Variants in KIAA1328 observed in about 807,000 individuals in gnomAD.
KIAA1328 encodes the protein protein hinderin.
Under a neutral mutation model 68.1 loss-of-function variants are expected in KIAA1328, and 52 were observed. The observed-to-expected ratio is 0.76, with a 90% CI of 0.61 to 0.96. KIAA1328 has a LOEUF of 0.96. KIAA1328 is among the 40% of genes least tolerant of loss of function. The pLI is 0.00. For missense variants in KIAA1328, 641 were observed against 677.6 expected, an observed-to-expected ratio of 0.95 and a Z score of 0.60; for synonymous variants, 232 against 239.4, an observed-to-expected ratio of 0.97 and a Z score of 0.28.
chr18:36,926,752 G>T (rs1041133966), intron 5 of KIAA1328, among the ~76,000 whole-genome samples: 3 of 152,084 alleles, frequency 2.0e-5, no homozygotes, highest in Non-Finnish European at 4.4e-5. Context: ...TGCAATACAG[G>T]GTGGGTGTGT....
intron 7 of KIAA1328, among the ~76,000 whole-genome samples, chr18:37,092,549 C>G (rs911367409): frequency 5.3e-5 from 8 of 152,018 alleles, no homozygotes; most frequent in Non-Finnish European, 8.8e-5. Flanking sequence ...GGATAGGGCT[C>G]TCTTTGCCTA....
chr18:37,134,484 A>T (rs548295871), intron 7 of KIAA1328, among the ~76,000 whole-genome samples: 4 of 152,198 alleles, frequency 2.6e-5, no homozygotes, highest in Non-Finnish European at 5.9e-5. Flanking sequence ...TACAAAAAAA[A>T]CTTAGAAAAA....
rs1054084737 is a variant in KIAA1328, at chr18:36,870,098, G to A, written c.333-15459G>A. 3.3e-5 allele frequency among the ~76,000 whole-genome samples: 5 copies of A among 151,996 alleles called. No individual in the cohort carries two copies. In the East Asian group the frequency reaches 7.7e-4, roughly 24 times the overall value. On this transcript the variant is annotated intron_variant, in intron 4 of 9. Coordinates refer to ENST00000280020, the MANE Select transcript of KIAA1328 (RefSeq NM_020776.3). Reference sequence around the variant, plus strand: ...AGGATGGTCTCGATCTCTTTACCTCGTGATCTGCCTGCCTCGGCCTCCCAA... The same window carrying A: ...AGGATGGTCTCGATCTCTTTACCTCATGATCTGCCTGCCTCGGCCTCCCAA...
At chr18:36,905,631 T>C (rs1391304851) in intron 5 of KIAA1328, among the ~76,000 whole-genome samples, 1 of 152,206 alleles carries the variant, frequency 6.6e-6, no homozygotes, top group Non-Finnish European at 1.5e-5. Context: ...GTCATTATAC[T>C]GTCATTTCTA....
rs551500671 is a variant in KIAA1328, at chr18:37,126,698, C to T, written c.1233-33502C>T. ...CTCTCATGAAAATAGACACAAAAAT[C>T]CTCAACTAAATATTAGTAAGTTGAA... On this transcript the variant is annotated intron_variant, in intron 7 of 9. Coordinates refer to ENST00000280020, the MANE Select transcript of KIAA1328 (RefSeq NM_020776.3). Among the ~76,000 whole-genome samples the T allele has an allele frequency of 1.0e-3, 156 of 152,164 alleles. 2 individuals carry two copies. The highest frequency in any genetic ancestry group is 3.7e-3 in the African/African-American group (154 of 41,530).
At chr18:37,009,258 G>A (rs1304132653) in intron 6 of KIAA1328, among the ~76,000 whole-genome samples, 1 of 151,964 alleles carries the variant, frequency 6.6e-6, no homozygotes, top group Non-Finnish European at 1.5e-5. Context: ...CTGTTACTGG[G>A]AATAACAGTG....
intron 7 of KIAA1328, among the ~76,000 whole-genome samples, chr18:37,082,727 C>T (rs2056989113): frequency 6.6e-6 from 1 of 152,140 alleles, no homozygotes; most frequent in African/African-American, 2.4e-5. Context: ...TACATGATTG[C>T]CGATAACAAC....
rs954794135 is a variant in KIAA1328, at chr18:37,000,187, A to G, written c.576+40752A>G. On this transcript the variant is annotated intron_variant, in intron 6 of 9. Coordinates refer to ENST00000280020, the MANE Select transcript of KIAA1328 (RefSeq NM_020776.3). ...AAGATGCTCCATACAAACAGAAACC[A>G]AAAGTGAGCAGGAGTGGCTATACTT... Among the ~76,000 whole-genome samples the G allele has an allele frequency of 2.6e-5, 4 of 152,310 alleles. No homozygotes were observed. The East Asian group carries it at 7.7e-4, about 29-fold the overall frequency.
chr18:37,152,250 A>T (rs1403180126), intron 7 of KIAA1328, among the ~76,000 whole-genome samples: 1 of 152,170 alleles, frequency 6.6e-6, no homozygotes, highest in Non-Finnish European at 1.5e-5. Flanking sequence ...AACAAAGAAC[A>T]GTAGAATTTT....
intron 4 of KIAA1328, among the ~76,000 whole-genome samples, chr18:36,867,000 A>G (rs2047775408): frequency 6.6e-6 from 1 of 152,196 alleles, no homozygotes; most frequent in Non-Finnish European, 1.5e-5. Context: ...TTTCAGAAGG[A>G]TATAATATTC....
chr18:36,993,968 T>TA (rs74685501), intron 6 of KIAA1328, among the ~76,000 whole-genome samples: 5,549 of 122,912 alleles, frequency 0.045, 110 homozygotes, highest in Middle Eastern at 0.072. Context: ...AATAGAAGAG[T>TA]AAAAAAAAAA....
At chr18:37,201,831 G>A (rs2060120114) in intron 9 of KIAA1328, among the ~76,000 whole-genome samples, 1 of 152,182 alleles carries the variant, frequency 6.6e-6, no homozygotes, top group Admixed American at 6.5e-5. Flanking sequence ...CTCAAGGTCA[G>A]GAACCTTGTA....
chr18:37,185,770 T>G (rs541829309), intron 9 of KIAA1328, among the ~76,000 whole-genome samples: 1 of 151,994 alleles, frequency 6.6e-6, no homozygotes, highest in Non-Finnish European at 1.5e-5. Flanking sequence ...ACTTTTAATA[T>G]ATTTAACATT....
At chr18:36,863,490 A>G (rs1210184103) in intron 4 of KIAA1328, among the ~76,000 whole-genome samples, 1 of 152,124 alleles carries the variant, frequency 6.6e-6, no homozygotes, top group Non-Finnish European at 1.5e-5. Context: ...AAATTATTTT[A>G]GCTCTTCTAG....
At chr18:36,878,449 T>C (rs2048215562) in intron 4 of KIAA1328, among the ~76,000 whole-genome samples, 2 of 152,186 alleles carry the variant, frequency 1.3e-5, no homozygotes, top group Admixed American at 1.3e-4. Context: ...CTTAACATTT[T>C]TTCCTTCATT....
In KIAA1328 at chr18:37,222,623, T is replaced by C. The variant is rs1341834714; in HGVS notation, c.*396T>C. ...CCTTTCCACTGAAAAATCCCTCTGA[T>C]TTAAAAGTAACCCCTTTGAAACATA... On this transcript the variant is annotated 3_prime_UTR_variant, in exon 10 of 10. Transcript: ENST00000280020. 2.9e-6 allele frequency: 3 copies of C among 1,035,286 alleles called. No individual in the cohort carries two copies. Among genetic ancestry groups the C allele is most frequent in the Non-Finnish European group, 3.5e-6 (3 of 861,252 alleles). 64.1% of individuals were successfully genotyped at this position (1,035,286 alleles called of 1,614,324 possible).
chr18:37,186,911 C>A lies in KIAA1328; in HGVS notation c.1523+13830C>A, dbSNP rs138327830. Reference sequence around the variant, plus strand: ...ATCATTGGCCAGGCATGGTGGCTGACACCTGTAATCCCAGCACTTTGGGAG... The same window carrying A: ...ATCATTGGCCAGGCATGGTGGCTGAAACCTGTAATCCCAGCACTTTGGGAG... On this transcript the variant is annotated intron_variant, in intron 9 of 9. Transcript: ENST00000280020. Among the ~76,000 whole-genome samples the A allele has an allele frequency of 6.7e-3, 1,013 of 152,222 alleles. 16 individuals carry two copies. Among genetic ancestry groups the A allele is most frequent in the African/African-American group, 0.023 (939 of 41,542 alleles).
At chr18:37,050,157 G>T (rs1208767792) in intron 6 of KIAA1328, among the ~76,000 whole-genome samples, 1 of 151,190 alleles carries the variant, frequency 6.6e-6, no homozygotes, top group Non-Finnish European at 1.5e-5. Flanking sequence ...GTCAGTGAAT[G>T]GTCCCTGGGA....
intron 6 of KIAA1328, among the ~76,000 whole-genome samples, chr18:37,061,486 C>G (rs948584588): frequency 1.3e-5 from 2 of 151,844 alleles, no homozygotes; most frequent in African/African-American, 4.8e-5. Flanking sequence ...TAAATTACGC[C>G]TCAATGTTTT....
Sources: gnomAD v4.1 joint callset for allele counts (sites outside exome capture counted in the v4.1 genomes callset) on GRCh38, gnomAD v4.1.1 for gene constraint, MANE v1.5 for transcripts, NCBI Gene and HGNC (gene_info 2026-07-23, HGNC 2026-07-21) for gene names.